PRKDC: variants seen among roughly 807,000 people sequenced by gnomAD.
The protein encoded by PRKDC is DNA-dependent protein kinase catalytic subunit.
Under a neutral mutation model 486.9 loss-of-function variants are expected in PRKDC, and 82 were observed. The ratio of observed to expected loss-of-function variants is 0.17; its 90% CI spans 0.14 to 0.20. The LOEUF is 0.20. Among genes scored for constraint, PRKDC ranks in the 10% least tolerant of loss-of-function variants. The probability of loss-of-function intolerance (pLI) is 1.00; values close to 1 mark genes in which losing one functional copy is unlikely to be tolerated. For missense variants in PRKDC, 4,504 were observed against 5,038.2 expected (o/e 0.89, Z 3.21); for synonymous variants, 1,895 against 1,837.0 (o/e 1.03, Z -0.81).
At chr8:47,800,715 A>T (rs2087088698) in intron 71 of PRKDC, 78 bp downstream of exon 71, 1 of 1,287,156 alleles carries the variant, frequency 7.8e-7, no homozygotes, top group South Asian at 1.7e-5. Flanking sequence ...CATCCTTATT[A>T]TTACTTTCCT....
intron 4 of PRKDC, 27 bp downstream of exon 4, chr8:47,955,847 A>G (rs751602349): frequency 6.6e-7 from 1 of 1,508,228 alleles, no homozygotes; most frequent in Non-Finnish European, 9.1e-7. Context: ...TTTAATGTAA[A>G]ATACGTGTAC....
At chr8:47,932,676 G>A (rs985833556) in intron 16 of PRKDC, among the ~76,000 whole-genome samples, 2 of 152,018 alleles carry the variant, frequency 1.3e-5, no homozygotes, top group Admixed American at 6.5e-5. Flanking sequence ...ATAAACAAGA[G>A]CAACCCCAGG....
rs1338247331 is a variant in PRKDC at position 47,800,919 on chromosome 8, C to G, written c.9990G>C (p.Leu3330Phe). 2 of 1,613,770 alleles carry G rather than the reference C, an allele frequency of 1.2e-6. No homozygotes were observed. Among genetic ancestry groups the G allele is most frequent in the African/African-American group, 2.7e-5 (2 of 74,912 alleles). ...TCGCTATGATCCTGTAAGTTGTACC[C>G]AAGAGAATGTTCTGGTCACGGAAAG... ...ILAFRDQNIL[L>F]GTTYRIIANA... The change falls in exon 71 of 86, where the codon TTG becomes TTC. Residue 3330 changes from leucine to phenylalanine, a missense_variant. Leu to Phe is a conservative substitution (Grantham distance 22). Transcript: ENST00000314191.
rs763953993 is a variant in PRKDC at position 47,782,361 on chromosome 8, A to T, written c.11396+17T>A. Reference sequence around the variant, plus strand: ...AATATGCAGCAGCCTACTGGCTGGGAGCAGCCTGGCAGTTACCTGGAGGTC... The same window carrying T: ...AATATGCAGCAGCCTACTGGCTGGGTGCAGCCTGGCAGTTACCTGGAGGTC... On this transcript the variant is annotated intron_variant, in intron 79 of 85. Coordinates refer to ENST00000314191, the MANE Select transcript of PRKDC (RefSeq NM_006904.7). This position sits in a 1 kb window ranked among gnomAD's most constrained non-coding sequence, Gnocchi z 4.9. The T allele has an allele frequency of 6.2e-7, 1 of 1,607,332 alleles. No individual in the cohort carries two copies.
chr8:47,806,964 G>A (rs1339564145), intron 69 of PRKDC, among the ~76,000 whole-genome samples, 173 bp downstream of exon 69: 14 of 152,230 alleles, frequency 9.2e-5, no homozygotes, highest in African/African-American at 2.9e-4. Context: ...TCAAAATGCT[G>A]AGATTACAGG....
At chr8:47,794,766 T>C (rs965867576) in intron 73 of PRKDC, among the ~76,000 whole-genome samples, 2 of 152,196 alleles carry the variant, frequency 1.3e-5, no homozygotes, top group African/African-American at 4.8e-5. Context: ...TATAGAAAAA[T>C]CTTCTACTTC....
intron 1 of PRKDC, chr8:47,959,395 T>C (rs1250513165): frequency 6.6e-6 from 1 of 152,162 alleles, no homozygotes; most frequent in Non-Finnish European, 1.5e-5. Flanking sequence ...ATACTTTCTC[T>C]TGGCCGGGCC....
At chr8:47,864,841 A>G in intron 40 of PRKDC, 78 bp from the exon 41 acceptor site, 1 of 1,214,482 alleles carries the variant, frequency 8.2e-7, no homozygotes, top group Non-Finnish European at 1.1e-6. Context: ...CATAACAGGC[A>G]AAGTAAACAC....
chr8:47,793,405 G>A (rs992571910), intron 74 of PRKDC, among the ~76,000 whole-genome samples: 4 of 151,788 alleles, frequency 2.6e-5, no homozygotes, highest in East Asian at 1.9e-4. Flanking sequence ...CAAGGTGGGC[G>A]GATCACCTGA....
chr8:47,862,250 T>G, intron 43 of PRKDC, 123 bp from the exon 44 acceptor site: 2 of 1,347,118 alleles, frequency 1.5e-6, no homozygotes, highest in Non-Finnish European at 2.0e-6. Context: ...AATATACCTA[T>G]GCAGAATTAA....
chr8:47,784,815 G>A (rs896808560), intron 77 of PRKDC, among the ~76,000 whole-genome samples: 3 of 151,866 alleles, frequency 2.0e-5, no homozygotes, highest in Admixed American at 6.6e-5. Flanking sequence ...CAGGAGCATA[G>A]CATGAATACA....
At chr8:47,867,936 A>G (rs1422801846) in intron 40 of PRKDC, among the ~76,000 whole-genome samples, 1 of 152,158 alleles carries the variant, frequency 6.6e-6, no homozygotes, top group Non-Finnish European at 1.5e-5. Flanking sequence ...TCCTGCATCT[A>G]CTGAAATTAT....
At chr8:47,792,724 T>A (rs954041905) in intron 74 of PRKDC, among the ~76,000 whole-genome samples, 1 of 151,982 alleles carries the variant, frequency 6.6e-6, no homozygotes, top group African/African-American at 2.4e-5. Flanking sequence ...ATGTACCCCA[T>A]AAACATAGAC....
At chr8:47,959,048 T>C (rs1267304016) in intron 1 of PRKDC, 1 of 152,208 alleles carries the variant, frequency 6.6e-6, no homozygotes, top group Non-Finnish European at 1.5e-5. Context: ...ATATAGCATC[T>C]AGTTTAAACT....
intron 39 of PRKDC, among the ~76,000 whole-genome samples, chr8:47,878,399 C>T (rs1419231105): frequency 6.6e-6 from 1 of 152,168 alleles, no homozygotes. Context: ...GCCACTGTAC[C>T]TAGCCCCTAT....
At chr8:47,789,853 G>A (rs895137188) in intron 74 of PRKDC, among the ~76,000 whole-genome samples, 6 of 152,054 alleles carry the variant, frequency 3.9e-5, no homozygotes, top group African/African-American at 1.4e-4. Context: ...AAAAGCATTT[G>A]ATAAAATTCA....
intron 60 of PRKDC, 132 bp downstream of exon 60, chr8:47,831,682 G>C: frequency 1.1e-6 from 1 of 942,412 alleles, no homozygotes; most frequent in Non-Finnish European, 1.7e-6. Flanking sequence ...CAGGAGGCTG[G>C]TTTGGAGCAG....
At chr8:47,920,511 G>A (rs1239990780) in intron 21 of PRKDC, among the ~76,000 whole-genome samples, 1 of 152,186 alleles carries the variant, frequency 6.6e-6, no homozygotes, top group East Asian at 1.9e-4. Context: ...TATGTAAATT[G>A]AGTATTCCTA....
At chr8:47,798,095 T>C in intron 73 of PRKDC, 142 bp downstream of exon 73, 1 of 860,038 alleles carries the variant, frequency 1.2e-6, no homozygotes, top group Admixed American at 3.6e-5. Flanking sequence ...ATTACCTATG[T>C]CCTCAGAATG....
Sources: allele counts gnomAD v4.1 joint callset (sites outside exome capture counted in the v4.1 genomes callset), GRCh38; gene constraint gnomAD v4.1.1; non-coding constraint Gnocchi (gnomAD v3.1); transcripts MANE v1.5; gene names NCBI Gene and HGNC (gene_info 2026-07-23, HGNC 2026-07-21).